The following FAM3B variants were observed in gnomAD, a reference collection of about 807,000 sequenced individuals.
FAM3B encodes FAM3 metabolism regulating signaling molecule B, also known as protein FAM3B.
In FAM3B, 29 loss-of-function variants were observed where a neutral mutation model predicts 28.4. That is an observed-to-expected ratio of 1.02 (90% CI 0.76 to 1.39). FAM3B has a LOEUF of 1.39. FAM3B is among the 40% of genes most tolerant of loss of function. The pLI is 0.00. For synonymous variants in FAM3B, 91 were observed against 103.0 expected, an observed-to-expected ratio of 0.88 and a Z score of 0.71; for missense variants, 266 against 293.9, an observed-to-expected ratio of 0.91 and a Z score of 0.69.
chr21:41,348,561 A>G (rs747804241), intron 6 of FAM3B, 31 bp from the exon 7 acceptor site: 5 of 1,613,730 alleles, frequency 3.1e-6, no homozygotes, highest in Admixed American at 3.3e-5. Flanking sequence ...TCTCCCTGAG[A>G]TGCTCACATG....
intron 7 of FAM3B, among the ~76,000 whole-genome samples, chr21:41,349,688 G>A (rs1408419080): frequency 6.6e-6 from 1 of 152,200 alleles, no homozygotes; most frequent in Non-Finnish European, 1.5e-5. Flanking sequence ...AGAGGAGAAG[G>A]GGGCTGGATA....
chr21:41,333,912 A>G (rs1423864368), intron 2 of FAM3B, among the ~76,000 whole-genome samples: 1 of 152,138 alleles, frequency 6.6e-6, no homozygotes, highest in Non-Finnish European at 1.5e-5. Flanking sequence ...GAAATGAGGA[A>G]CTTATTGGGA....
chr21:41,341,003 T>C (rs534186542), intron 3 of FAM3B, among the ~76,000 whole-genome samples: 1 of 152,338 alleles, frequency 6.6e-6, no homozygotes, highest in East Asian at 1.9e-4. Flanking sequence ...TGTATATGTG[T>C]GTATGAATAT....
At chr21:41,304,721 CA>C (rs1199309690) in intron 1 of FAM3B, among the ~76,000 whole-genome samples, 1 of 152,206 alleles carries the variant, frequency 6.6e-6, no homozygotes, top group Non-Finnish European at 1.5e-5. Flanking sequence ...GAACCTACTT[CA>C]GGGGGAGGGT....
intron 1 of FAM3B, among the ~76,000 whole-genome samples, chr21:41,311,274 ATATATATATATATATATATATATG>A (rs2088712281): frequency 1.2e-5 from 1 of 83,034 alleles, no homozygotes; most frequent in Non-Finnish European, 2.2e-5. Context: ...ATATATATAT[ATATATATATATATATATATATATG>A]TATATATACA....
At chr21:41,353,847 G>C (rs551910892) in intron 7 of FAM3B, among the ~76,000 whole-genome samples, 1 of 152,066 alleles carries the variant, frequency 6.6e-6, no homozygotes, top group African/African-American at 2.4e-5. Context: ...AGAAACTATC[G>C]AGTAAACAGA....
chr21:41,316,265 G>A (rs1414781491), upstream of FAM3B, among the ~76,000 whole-genome samples: 4 of 152,156 alleles, frequency 2.6e-5, no homozygotes, highest in African/African-American at 9.7e-5. Context: ...CATGGCCCTC[G>A]CTTCACTTTC....
In FAM3B at chr21:41,348,493, C is replaced by T. The variant is rs56389659; in HGVS notation, c.486-99C>T. ...GCAGGAGATGAATGTGTTTAGAAAC[C>T]TCCATCCAAGGATGCACAGCGTAAC... On this transcript the variant is annotated intron_variant, in intron 6 of 7. Coordinates refer to ENST00000357985, the MANE Select transcript of FAM3B (RefSeq NM_058186.4). 8,302 of 1,404,748 alleles carry T rather than the reference C, an allele frequency of 5.9e-3. 351 individuals are homozygous for T. The African/African-American group carries it at 0.098, about 17-fold the overall frequency. 87.0% of individuals were successfully genotyped at this position (1,404,748 alleles called of 1,614,324 possible). A position where few individuals can be genotyped will look rare whatever the true frequency, so the allele number is the denominator to read the frequency against.
At chr21:41,330,831 A>G (rs2088900238) in intron 2 of FAM3B, among the ~76,000 whole-genome samples, 1 of 152,126 alleles carries the variant, frequency 6.6e-6, no homozygotes, top group Non-Finnish European at 1.5e-5. Context: ...CATTTTCCTT[A>G]TTCATTCATT....
intron 7 of FAM3B, among the ~76,000 whole-genome samples, chr21:41,349,642 G>T (rs557093730): frequency 1.3e-5 from 2 of 152,284 alleles, no homozygotes; most frequent in East Asian, 3.9e-4. Context: ...AACAGAAGCA[G>T]CTCGGCATCT....
At chr21:41,343,732 A>G (rs946301989) in intron 3 of FAM3B, among the ~76,000 whole-genome samples, 5 of 152,232 alleles carry the variant, frequency 3.3e-5, no homozygotes, top group African/African-American at 1.2e-4. Context: ...AGCAATAATT[A>G]CCATCTCCAG....
At position 41,311,252 on chromosome 21, in the gene FAM3B, ATATATATATATATATATATAT is replaced by A. The variant is rs1339167527; in HGVS notation, n.99+6943_99+6963del. Among the ~76,000 whole-genome samples the A allele has an allele frequency of 9.4e-3, 202 of 21,542 alleles. 10 individuals carry two copies. The highest frequency in any genetic ancestry group is 0.031 in the African/African-American group (171 of 5,548). 14.1% of individuals were successfully genotyped at this position (21,542 alleles called of 152,430 possible). On this transcript the variant is annotated intron_variant and non_coding_transcript_variant, in intron 1 of 9. Transcript: ENST00000479810. Reference sequence around the variant, plus strand: ...CTGTCTCTACAAAAAAAAAAAAAAAATATATATATATATATATATATATATATATATATATATATATATATG... The same window carrying A: ...CTGTCTCTACAAAAAAAAAAAAAAAAATATATATATATATATATATATATG...
chr21:41,327,061 C>T lies in FAM3B; in HGVS notation c.163+3995C>T, dbSNP rs184190052. ...GAGGATGTCAGGTGGGAGGAAGGCC[C>T]GGGTGCCCTGTGGCCCTTCAGCCTC... On this transcript the variant is annotated intron_variant, in intron 2 of 7. Coordinates refer to ENST00000357985, the MANE Select transcript of FAM3B (RefSeq NM_058186.4). Among the ~76,000 whole-genome samples the T allele has an allele frequency of 1.2e-4, 18 of 152,286 alleles. No individual in the cohort carries two copies. In the East Asian group the frequency reaches 2.1e-3, roughly 18 times the overall value.
At chr21:41,328,702 A>G (rs1022063064) in intron 2 of FAM3B, among the ~76,000 whole-genome samples, 3 of 152,214 alleles carry the variant, frequency 2.0e-5, no homozygotes, top group African/African-American at 7.2e-5. Context: ...TGCTAAGAAG[A>G]ATAAATTAAA....
At chr21:41,322,258 C>T (rs1175401633) in intron 1 of FAM3B, among the ~76,000 whole-genome samples, 3 of 152,144 alleles carry the variant, frequency 2.0e-5, no homozygotes, top group Non-Finnish European at 2.9e-5. Flanking sequence ...CCACTCATGT[C>T]AAACAAGAGA....
chr21:41,336,897 C>T (rs536821967), intron 2 of FAM3B, among the ~76,000 whole-genome samples: 2 of 152,274 alleles, frequency 1.3e-5, no homozygotes, highest in African/African-American at 4.8e-5. Flanking sequence ...GCTATCCCTG[C>T]TCTCTTTTGG....
chr21:41,357,030 T>A, intron 7 of FAM3B, 78 bp from the exon 8 acceptor site: 1 of 966,472 alleles, frequency 1.0e-6, no homozygotes. Flanking sequence ...AGTGGTTGTG[T>A]CGGCTCACAA....
At chr21:41,313,488 C>T (rs2088727241), upstream of FAM3B, among the ~76,000 whole-genome samples, 1 of 146,386 alleles carries the variant, frequency 6.8e-6, no homozygotes, top group African/African-American at 2.5e-5. Context: ...TTGATCCATT[C>T]TTGAACCTCA....
chr21:41,350,788 C>T (rs1027436527), intron 7 of FAM3B, among the ~76,000 whole-genome samples: 1 of 152,256 alleles, frequency 6.6e-6, no homozygotes, highest in Non-Finnish European at 1.5e-5. Context: ...TAACAGCGTC[C>T]TCCGACTTCT....
Sources: allele counts gnomAD v4.1 joint callset (sites outside exome capture counted in the v4.1 genomes callset), GRCh38; gene constraint gnomAD v4.1.1; transcripts MANE v1.5; gene names NCBI Gene and HGNC (gene_info 2026-07-23, HGNC 2026-07-21).